Variants in PARP8 observed in about 807,000 individuals in gnomAD.
PARP8 encodes the protein poly(ADP-ribose) polymerase family member 8, also known as protein mono-ADP-ribosyltransferase PARP8.
In PARP8, 51 loss-of-function variants were observed where a neutral mutation model predicts 124.1. The ratio of observed to expected loss-of-function variants is 0.41; its 90% CI spans 0.33 to 0.52. The LOEUF is 0.52. Ranked by LOEUF, PARP8 falls within the 20% of genes least tolerant of loss-of-function variation. PARP8 has a pLI of 0.21. For synonymous variants in PARP8, 391 were observed against 361.5 expected (o/e 1.08, Z -0.93); for missense variants, 860 against 1,018.9 (o/e 0.84, Z 2.12).
upstream of PARP8, chr5:50,666,264 T>C (rs1462872824): frequency 6.6e-6 from 1 of 152,344 alleles, no homozygotes; most frequent in Admixed American, 6.5e-5. Flanking sequence ...TTCGTTTTAT[T>C]ATTTTTTTAA....
At chr5:50,730,615 A>G (rs936787562) in intron 2 of PARP8, among the ~76,000 whole-genome samples, 2 of 152,168 alleles carry the variant, frequency 1.3e-5, no homozygotes, top group East Asian at 1.9e-4. Flanking sequence ...CAGCCAAACC[A>G]TTTCACAAAC....
At position 50,725,220 on chromosome 5, in the gene PARP8, A is replaced by G. The variant is rs1330108145; in HGVS notation, c.147-24931A>G. Among the ~76,000 whole-genome samples, 3 of 151,976 alleles carry G rather than the reference A, an allele frequency of 2.0e-5. No homozygotes were observed. The East Asian group carries it at 5.8e-4, about 29-fold the overall frequency. On this transcript the variant is annotated intron_variant, in intron 2 of 25. Coordinates refer to ENST00000281631, the MANE Select transcript of PARP8 (RefSeq NM_024615.4). Reference sequence around the variant, plus strand: ...GATGGGCACTTAGATTGGTTGCACAATATATTATGATACTCTTTAATATAT... The same window carrying G: ...GATGGGCACTTAGATTGGTTGCACAGTATATTATGATACTCTTTAATATAT...
chr5:50,673,082 A>T (rs1450954655), intron 2 of PARP8, among the ~76,000 whole-genome samples: 1 of 152,180 alleles, frequency 6.6e-6, no homozygotes, highest in African/African-American at 2.4e-5. Context: ...CTTTTATGTT[A>T]TATCACTTAT....
chr5:50,678,343 T>A (rs542870687), intron 2 of PARP8, among the ~76,000 whole-genome samples: 4 of 152,286 alleles, frequency 2.6e-5, no homozygotes, highest in Middle Eastern at 6.8e-3. Flanking sequence ...AATGTGTTTG[T>A]GTGTGTCTGT....
At chr5:50,793,231 GT>G (rs1272418524) in intron 10 of PARP8, among the ~76,000 whole-genome samples, 1 of 152,200 alleles carries the variant, frequency 6.6e-6, no homozygotes, top group East Asian at 1.9e-4. Flanking sequence ...AAAGCAATGT[GT>G]TAGAAATAAC....
chr5:50,747,166 T>TTG (rs1554054092), intron 2 of PARP8, among the ~76,000 whole-genome samples: 160 of 141,850 alleles, frequency 1.1e-3, no homozygotes, highest in African/African-American at 2.8e-3. Flanking sequence ...TTGTTTTGTT[T>TTG]TTTTTTTTTT....
At chr5:50,678,813 C>G (rs1347365144) in intron 2 of PARP8, among the ~76,000 whole-genome samples, 1 of 152,100 alleles carries the variant, frequency 6.6e-6, no homozygotes. Context: ...TTAACCCTTT[C>G]CTATACATAT....
rs1013973644 is a variant in PARP8 at position 50,834,065 on chromosome 5, A to G, written c.2377+17A>G. On this transcript the variant is annotated intron_variant, in intron 24 of 25. Transcript: ENST00000281631. ...TATGTGAAGGTAAGTTGAAAGTTTT[A>G]CAAACCTCATAGTGTTAGTTCCTAG... 2.8e-5 allele frequency: 45 copies of G among 1,592,042 alleles called. No individual in the cohort carries two copies. In the East Asian group the frequency reaches 1.0e-3, roughly 36 times the overall value.
intron 2 of PARP8, among the ~76,000 whole-genome samples, chr5:50,707,709 TCTC>T (rs1046805869): frequency 4.0e-5 from 6 of 151,860 alleles, no homozygotes; most frequent in African/African-American, 1.4e-4. Context: ...AGTTGCCTGA[TCTC>T]CTCTTGTTTT....
At chr5:50,806,771 AT>A (rs1743889868) in intron 14 of PARP8, among the ~76,000 whole-genome samples, 1 of 151,938 alleles carries the variant, frequency 6.6e-6, no homozygotes, top group Admixed American at 6.6e-5. Context: ...GGTCCCACTA[AT>A]TTTTTTCTAT....
At chr5:50,747,126 A>G (rs1580183797) in intron 2 of PARP8, among the ~76,000 whole-genome samples, 1 of 125,826 alleles carries the variant, frequency 7.9e-6, no homozygotes, top group African/African-American at 3.0e-5. Context: ...CTACTCATCT[A>G]CTTATTCAGT....
At chr5:50,800,663 C>T (rs148227030) in intron 14 of PARP8, among the ~76,000 whole-genome samples, 12 of 151,094 alleles carry the variant, frequency 7.9e-5, no homozygotes, top group African/African-American at 2.9e-4. Flanking sequence ...CTTGATATTA[C>T]TATGTTTTTC....
At chr5:50,775,338 C>T (rs113543504) in intron 7 of PARP8, among the ~76,000 whole-genome samples, 4,062 of 152,256 alleles carry the variant, frequency 0.027, 182 homozygotes, top group African/African-American at 0.093. Flanking sequence ...GCAGATCACT[C>T]GAGGTCAGGA....
At chr5:50,715,861 T>A (rs1007818) in intron 2 of PARP8, among the ~76,000 whole-genome samples, 135,989 of 151,716 alleles carry the variant, frequency 0.9, 60,993 homozygotes, top group East Asian at 1. Context: ...TAACCTTTTT[T>A]AAAAAAATAC....
chr5:50,815,032 A>C (rs1744943424), intron 14 of PARP8, among the ~76,000 whole-genome samples: 1 of 151,870 alleles, frequency 6.6e-6, no homozygotes, highest in Non-Finnish European at 1.5e-5. Context: ...TCTCCTTTAT[A>C]TGTTTGTTTT....
intron 3 of PARP8, among the ~76,000 whole-genome samples, chr5:50,758,057 G>A (rs1401030004): frequency 1.3e-5 from 2 of 151,886 alleles, no homozygotes; most frequent in African/African-American, 4.8e-5. Flanking sequence ...CTCTGAGTGA[G>A]GATTTAAGAC....
intron 2 of PARP8, among the ~76,000 whole-genome samples, chr5:50,677,027 T>C (rs901311993): frequency 1.3e-4 from 20 of 152,208 alleles, no homozygotes; most frequent in Non-Finnish European, 1.8e-4. Flanking sequence ...CTAAATACTC[T>C]GTAGCTTTTG....
At chr5:50,779,575 G>C (rs1011250003) in intron 9 of PARP8, among the ~76,000 whole-genome samples, 3 of 152,216 alleles carry the variant, frequency 2.0e-5, no homozygotes, top group African/African-American at 7.2e-5. Context: ...GCAAATGCAA[G>C]TGTTGGAAGA....
intron 15 of PARP8, among the ~76,000 whole-genome samples, chr5:50,819,427 CTTTTTTTTTTTTTTTT>C (rs34347134): frequency 1.3e-4 from 6 of 46,652 alleles, no homozygotes; most frequent in African/African-American, 2.8e-4. Flanking sequence ...ATTTTATCTT[CTTTTTTTTTTTTTTTT>C]TTTTTTTTTT....
Sources: allele counts gnomAD v4.1 joint callset (sites outside exome capture counted in the v4.1 genomes callset), GRCh38; gene constraint gnomAD v4.1.1; transcripts MANE v1.5; gene names NCBI Gene and HGNC (gene_info 2026-07-23, HGNC 2026-07-21).